Variants in MACROD2 observed in about 807,000 individuals in gnomAD.
The protein encoded by MACROD2 is ADP-ribose glycohydrolase MACROD2.
A neutral mutation model predicts 70.4 loss-of-function variants in MACROD2; 36 were observed. The ratio of observed to expected loss-of-function variants is 0.51; its 90% CI spans 0.39 to 0.68. The LOEUF is 0.68. MACROD2 is among the 30% of genes least tolerant of loss of function. The pLI is 0.00. For missense variants in MACROD2, 496 were observed against 538.4 expected (o/e 0.92, Z 0.78); for synonymous variants, 172 against 178.8 (o/e 0.96, Z 0.30).
At chr20:14,810,746 G>A (rs2072699739) in intron 5 of MACROD2, among the ~76,000 whole-genome samples, 1 of 152,026 alleles carries the variant, frequency 6.6e-6, no homozygotes. Context: ...AAAGTCTCAG[G>A]ATACAAAATC....
intron 6 of MACROD2, among the ~76,000 whole-genome samples, chr20:15,252,483 C>G (rs925955328): frequency 6.6e-6 from 1 of 152,180 alleles, no homozygotes; most frequent in Admixed American, 6.5e-5. Context: ...GGAACTGTTG[C>G]TTGTCACAAC....
chr20:14,113,218 A>G (rs542465248), intron 3 of MACROD2, among the ~76,000 whole-genome samples: 3 of 152,186 alleles, frequency 2.0e-5, no homozygotes, highest in African/African-American at 7.2e-5. Flanking sequence ...CTGTTAGTAC[A>G]AAGGCAGCAG....
intron 4 of MACROD2, among the ~76,000 whole-genome samples, chr20:14,564,181 T>C (rs575404166): frequency 7.9e-5 from 12 of 152,012 alleles, no homozygotes; most frequent in Admixed American, 5.3e-4. Flanking sequence ...TTGTACTGTA[T>C]ATAAAAATTA....
chr20:15,433,074 A>G (rs1370460097), intron 7 of MACROD2, among the ~76,000 whole-genome samples: 2 of 152,128 alleles, frequency 1.3e-5, no homozygotes, highest in African/African-American at 2.4e-5. Flanking sequence ...AAAGCCATAT[A>G]TGACAAACCA....
chr20:15,393,430 A>G (rs2045818523), intron 6 of MACROD2, among the ~76,000 whole-genome samples: 1 of 152,106 alleles, frequency 6.6e-6, no homozygotes, highest in Non-Finnish European at 1.5e-5. Flanking sequence ...CAAAGTGCCA[A>G]AGTTATCTTT....
chr20:15,003,893 C>G lies in MACROD2; in HGVS notation c.419-226047C>G, dbSNP rs577993605. Among the ~76,000 whole-genome samples the G allele has an allele frequency of 2.6e-5, 4 of 152,198 alleles. No individual in the cohort carries two copies. In the South Asian group the frequency reaches 6.2e-4, roughly 24 times the overall value. On this transcript the variant is annotated intron_variant, in intron 5 of 17. Transcript: ENST00000684519. Reference sequence around the variant, plus strand: ...ACCTAAGATTGGCCTTTTGAGATATCTTTTCAGGTTTTTTTGCATGTCTGA... The same window carrying G: ...ACCTAAGATTGGCCTTTTGAGATATGTTTTCAGGTTTTTTTGCATGTCTGA...
intron 8 of MACROD2, among the ~76,000 whole-genome samples, chr20:15,572,861 T>C (rs1233755): frequency 0.97 from 147,796 of 152,108 alleles, 71,829 homozygotes; most frequent in Middle Eastern, 0.99. Context: ...AAACTTCATC[T>C]GAGGACCCTG....
chr20:14,073,535 A>G (rs925412270), intron 2 of MACROD2, among the ~76,000 whole-genome samples: 2 of 152,206 alleles, frequency 1.3e-5, no homozygotes, highest in Non-Finnish European at 2.9e-5. Flanking sequence ...TATTCCAGGG[A>G]ATATAATTCA....
At chr20:15,682,022 T>G (rs780179131) in intron 8 of MACROD2, among the ~76,000 whole-genome samples, 2 of 152,188 alleles carry the variant, frequency 1.3e-5, no homozygotes, top group Non-Finnish European at 2.9e-5. Context: ...CAGAATTGCA[T>G]CATCATGAAT....
intron 8 of MACROD2, among the ~76,000 whole-genome samples, chr20:15,682,597 T>G (rs2050174507): frequency 6.6e-6 from 1 of 152,210 alleles, no homozygotes. Context: ...TTCAAACCAG[T>G]GAGAGGACCA....
At chr20:15,481,699 T>G (rs1039943527) in intron 7 of MACROD2, among the ~76,000 whole-genome samples, 7 of 151,364 alleles carry the variant, frequency 4.6e-5, no homozygotes, top group Non-Finnish European at 7.4e-5. Flanking sequence ...AAAAAAAAAC[T>G]AATATTTACA....
chr20:14,781,274 C>A (rs1316294176), intron 5 of MACROD2, among the ~76,000 whole-genome samples: 1 of 151,786 alleles, frequency 6.6e-6, no homozygotes, highest in African/African-American at 2.4e-5. Flanking sequence ...AGTAACTTTT[C>A]ATGGAAATCT....
intron 9 of MACROD2, among the ~76,000 whole-genome samples, chr20:15,864,905 C>A (rs1190885299): frequency 6.6e-6 from 1 of 152,074 alleles, no homozygotes; most frequent in Non-Finnish European, 1.5e-5. Context: ...TTTGAAAATT[C>A]TAAATATGCA....
intron 4 of MACROD2, among the ~76,000 whole-genome samples, chr20:14,604,180 G>T (rs1433930031): frequency 6.6e-6 from 1 of 152,108 alleles, no homozygotes; most frequent in Non-Finnish European, 1.5e-5. Flanking sequence ...CTTTCCTAAG[G>T]TTTTTCCTCT....
At chr20:14,341,427 C>T (rs2083011637) in intron 3 of MACROD2, among the ~76,000 whole-genome samples, 1 of 152,192 alleles carries the variant, frequency 6.6e-6, no homozygotes, top group Non-Finnish European at 1.5e-5. Flanking sequence ...CACCTGAAGT[C>T]AGGAGTTTGA....
chr20:15,778,790 G>T (rs2051777634), intron 8 of MACROD2, among the ~76,000 whole-genome samples: 1 of 151,992 alleles, frequency 6.6e-6, no homozygotes, highest in Non-Finnish European at 1.5e-5. Context: ...GAATATTCTT[G>T]CAGAATATCT....
At chr20:14,258,774 G>T (rs991578432) in intron 3 of MACROD2, among the ~76,000 whole-genome samples, 4 of 152,006 alleles carry the variant, frequency 2.6e-5, no homozygotes, top group African/African-American at 4.8e-5. Flanking sequence ...TCTTTGTCAT[G>T]AACTCTCCCT....
At chr20:15,077,676 C>G (rs974319985) in intron 5 of MACROD2, among the ~76,000 whole-genome samples, 2 of 152,100 alleles carry the variant, frequency 1.3e-5, no homozygotes, top group Admixed American at 1.3e-4. Context: ...TTATGCCTTC[C>G]TGGTGAGGAA....
chr20:14,797,675 C>T lies in MACROD2; in HGVS notation c.418+112716C>T, dbSNP rs143596099. On this transcript the variant is annotated intron_variant, in intron 5 of 17. Coordinates refer to ENST00000684519, the MANE Select transcript of MACROD2 (RefSeq NM_001351661.2). ...TTGTAGCACTGGCTGCTTTCTTTCA[C>T]AGCACATATAGCTGTAGATTTTTAT... Among the ~76,000 whole-genome samples, 133 of 152,238 alleles carry T rather than the reference C, an allele frequency of 8.7e-4. 5 individuals carry two copies. The East Asian group carries it at 0.025, about 28-fold the overall frequency.
Sources: allele counts gnomAD v4.1 joint callset (sites outside exome capture counted in the v4.1 genomes callset), GRCh38; gene constraint gnomAD v4.1.1; transcripts MANE v1.5; gene names NCBI Gene and HGNC (gene_info 2026-07-23, HGNC 2026-07-21).